Variants in FBXW8 observed in about 807,000 individuals in gnomAD.
FBXW8 encodes the protein F-box/WD repeat-containing protein 8.
A neutral mutation model predicts 65.3 loss-of-function variants in FBXW8; 57 were observed. The ratio of observed to expected loss-of-function variants is 0.87; its 90% CI spans 0.71 to 1.09. The LOEUF (loss-of-function observed/expected upper bound fraction) is 1.09. FBXW8 is among the 50% of genes least tolerant of loss of function. FBXW8 has a pLI of 0.00. For missense variants in FBXW8, 777 were observed against 814.8 expected (o/e 0.95, Z 0.57); for synonymous variants, 308 against 330.2 (o/e 0.93, Z 0.73).
intron 2 of FBXW8, among the ~76,000 whole-genome samples, chr12:116,928,390 G>T (rs1881500198): frequency 6.6e-6 from 1 of 152,166 alleles, no homozygotes; most frequent in Non-Finnish European, 1.5e-5. Flanking sequence ...GTGTGCTGGT[G>T]GCCGACAACT....
chr12:116,959,610 T>G (rs1427363500), intron 4 of FBXW8, among the ~76,000 whole-genome samples: 1 of 152,238 alleles, frequency 6.6e-6, no homozygotes, highest in East Asian at 1.9e-4. Context: ...GAAGAAAGGT[T>G]GTTTTTAGCT....
At chr12:117,021,496 T>C (rs1320027) in intron 8 of FBXW8, among the ~76,000 whole-genome samples, 4,096 of 152,314 alleles carry the variant, frequency 0.027, 180 homozygotes, top group African/African-American at 0.087. Context: ...TTGAATATGT[T>C]TTATAGTTTA....
At chr12:117,008,891 A>G (rs528746630) in intron 7 of FBXW8, among the ~76,000 whole-genome samples, 4 of 152,252 alleles carry the variant, frequency 2.6e-5, no homozygotes, top group African/African-American at 9.6e-5. Flanking sequence ...ACTTGAGGTC[A>G]GGAGATCGAG....
At chr12:117,004,587 G>A (rs950479501) in intron 7 of FBXW8, among the ~76,000 whole-genome samples, 1 of 152,156 alleles carries the variant, frequency 6.6e-6, no homozygotes, top group Non-Finnish European at 1.5e-5. Flanking sequence ...GAACTTGTGT[G>A]GGGGCAGACA....
intron 8 of FBXW8, among the ~76,000 whole-genome samples, chr12:117,017,644 A>G (rs1352672245): frequency 2.0e-5 from 3 of 152,166 alleles, no homozygotes; most frequent in Non-Finnish European, 4.4e-5. Flanking sequence ...TGATTTCTTT[A>G]AAAAAATACT....
At chr12:116,926,441 C>T (rs1391092092) in intron 1 of FBXW8, among the ~76,000 whole-genome samples, 1 of 152,124 alleles carries the variant, frequency 6.6e-6, no homozygotes, top group African/African-American at 2.4e-5. Context: ...TGTGGCTTTC[C>T]TTGGCAAGCA....
intron 7 of FBXW8, among the ~76,000 whole-genome samples, chr12:117,009,011 G>T (rs1000748713): frequency 2.0e-5 from 3 of 152,182 alleles, no homozygotes; most frequent in Admixed American, 2.0e-4. Flanking sequence ...AGCTTGCAGT[G>T]AGCCAAGATC....
At chr12:117,006,584 G>A (rs915213769) in intron 7 of FBXW8, among the ~76,000 whole-genome samples, 6 of 152,308 alleles carry the variant, frequency 3.9e-5, no homozygotes, top group African/African-American at 7.2e-5. Context: ...CTGGACCACC[G>A]CCCCTGCTGC....
chr12:117,002,450 C>T (rs1013336049), intron 7 of FBXW8: 2 of 152,188 alleles, frequency 1.3e-5, no homozygotes, highest in African/African-American at 2.4e-5. Context: ...TTGCAGGGAA[C>T]GTTGAGGGGG....
chr12:116,945,222 T>C (rs955989280), intron 2 of FBXW8, 142 bp from the exon 3 acceptor site: 14 of 666,946 alleles, frequency 2.1e-5, no homozygotes, highest in Non-Finnish European at 3.3e-5. Context: ...TATTTTTTTT[T>C]CCACCTCATA....
intron 2 of FBXW8, among the ~76,000 whole-genome samples, chr12:116,945,108 T>G (rs1882844102): frequency 6.6e-6 from 1 of 152,254 alleles, no homozygotes; most frequent in African/African-American, 2.4e-5. Flanking sequence ...TTTTCTTCTC[T>G]TATTTGTTAG....
intron 3 of FBXW8, among the ~76,000 whole-genome samples, chr12:116,947,035 T>A (rs1882979630): frequency 6.6e-6 from 1 of 152,046 alleles, no homozygotes. Context: ...GCAGCTGTGT[T>A]TTTTGCTTCC....
intron 7 of FBXW8, among the ~76,000 whole-genome samples, chr12:116,996,697 G>A (rs1423269841): frequency 6.6e-6 from 1 of 152,146 alleles, no homozygotes; most frequent in African/African-American, 2.4e-5. Flanking sequence ...CTGGAGAAGT[G>A]TAGACAGATA....
intron 2 of FBXW8, among the ~76,000 whole-genome samples, chr12:116,939,876 T>C (rs1882435119): frequency 1.3e-5 from 2 of 152,208 alleles, no homozygotes; most frequent in African/African-American, 2.4e-5. Flanking sequence ...TGCTTCATGA[T>C]TGCCCAGTGC....
chr12:116,934,491 G>C (rs895342925), intron 2 of FBXW8, among the ~76,000 whole-genome samples: 3 of 152,016 alleles, frequency 2.0e-5, no homozygotes, highest in African/African-American at 7.2e-5. Flanking sequence ...TTTTTTAGTC[G>C]ATAACAATGA....
chr12:117,002,585 A>G (rs1358315917), intron 7 of FBXW8: 1 of 152,208 alleles, frequency 6.6e-6, no homozygotes, highest in African/African-American at 2.4e-5. Flanking sequence ...CATTTTCCAC[A>G]TGTTCACAGA....
At chr12:116,945,825 C>G (rs1196232893) in intron 3 of FBXW8, among the ~76,000 whole-genome samples, 4 of 152,202 alleles carry the variant, frequency 2.6e-5, no homozygotes, top group African/African-American at 9.7e-5. Flanking sequence ...GTGCTCTGTG[C>G]AGCCCCTTTG....
chr12:116,929,393 T>C (rs1593049163), intron 2 of FBXW8, among the ~76,000 whole-genome samples: 1 of 151,876 alleles, frequency 6.6e-6, no homozygotes, highest in East Asian at 1.9e-4. Context: ...TGCCACCACA[T>C]GCAGCTAATT....
chr12:116,912,688 C>T (rs1454610909), intron 1 of FBXW8, among the ~76,000 whole-genome samples: 1 of 152,080 alleles, frequency 6.6e-6, no homozygotes, highest in Non-Finnish European at 1.5e-5. Context: ...TGGTCTCGAT[C>T]TCCTGACCTC....
Sources: allele counts gnomAD v4.1 joint callset (sites outside exome capture counted in the v4.1 genomes callset), GRCh38; gene constraint gnomAD v4.1.1; transcripts MANE v1.5; gene names NCBI Gene and HGNC (gene_info 2026-07-23, HGNC 2026-07-21).